The following XPR1 variants were observed in gnomAD, a reference collection of about 807,000 sequenced individuals.
XPR1 encodes xenotropic and polytropic retrovirus receptor 1.
XPR1 carries 28 observed loss-of-function variants against 87.5 expected under a neutral mutation model. That is an observed-to-expected ratio of 0.32 (90% CI 0.24 to 0.44). The LOEUF (loss-of-function observed/expected upper bound fraction) is 0.44. Among genes scored for constraint, XPR1 ranks in the 20% least tolerant of loss-of-function variants. The probability of loss-of-function intolerance (pLI) is 1.00; values close to 1 mark genes in which losing one functional copy is unlikely to be tolerated. For synonymous variants in XPR1, 300 were observed against 306.1 expected, an observed-to-expected ratio of 0.98 and a Z score of 0.21; for missense variants, 559 against 862.3, an observed-to-expected ratio of 0.65 and a Z score of 4.41.
chr1:180,723,691 CTCTG>C (rs1658246937), intron 2 of XPR1, among the ~76,000 whole-genome samples: 1 of 152,192 alleles, frequency 6.6e-6, no homozygotes, highest in Admixed American at 6.5e-5. Flanking sequence ...GGAACCTCCT[CTCTG>C]TCCTTTATCT....
chr1:180,879,914 C>T (rs1462167544), intron 13 of XPR1, among the ~76,000 whole-genome samples, 162 bp from the exon 14 acceptor site: 1 of 152,082 alleles, frequency 6.6e-6, no homozygotes, highest in South Asian at 2.1e-4. Context: ...TACCCCCCCA[C>T]CACCACCTCC....
At chr1:180,774,887 C>A (rs547384831) in intron 2 of XPR1, among the ~76,000 whole-genome samples, 1 of 152,296 alleles carries the variant, frequency 6.6e-6, no homozygotes, top group South Asian at 2.1e-4. Flanking sequence ...AGGATCAAGG[C>A]ACCAACAGAC....
chr1:180,819,692 A>G (rs1333037438), intron 7 of XPR1, among the ~76,000 whole-genome samples: 1 of 152,170 alleles, frequency 6.6e-6, no homozygotes, highest in African/African-American at 2.4e-5. Flanking sequence ...TATTAGAGCA[A>G]ATCTATCACC....
Position 180,824,458 on chromosome 1 carries a change from G to A in XPR1, c.764-295G>A, listed in dbSNP as rs146472593. On this transcript the variant is annotated intron_variant, in intron 7 of 14. Transcript: ENST00000367590. ...TAGCTGGGCGTGGTGGTGCGTGCCT[G>A]TAATCCCAGTTACTCGGGAGACTGA... Among the ~76,000 whole-genome samples the A allele has an allele frequency of 9.0e-4, 137 of 152,236 alleles. 3 individuals are homozygous for A. The East Asian group carries it at 0.025, about 28-fold the overall frequency.
chr1:180,823,937 C>T lies in XPR1; in HGVS notation c.764-816C>T, dbSNP rs149662247. On this transcript the variant is annotated intron_variant, in intron 7 of 14. Transcript: ENST00000367590. ...AGTGCTTAGCACATAGTAAGCATTCCGTAAATATTAACTGTTGTCATTTAT... is the reference window on the plus strand; with the variant it reads ...AGTGCTTAGCACATAGTAAGCATTCTGTAAATATTAACTGTTGTCATTTAT... 2.0e-4 allele frequency among the ~76,000 whole-genome samples: 31 copies of T among 152,290 alleles called. No homozygotes were observed. In the South Asian group the frequency reaches 2.1e-3, roughly 10 times the overall value.
In XPR1 at chr1:180,648,992, A is replaced by G. The variant is rs567757386; in HGVS notation, c.69+16722A>G. Among the ~76,000 whole-genome samples the G allele has an allele frequency of 4.6e-5, 7 of 152,252 alleles. No homozygotes were observed. In the South Asian group the frequency reaches 1.5e-3, roughly 32 times the overall value. ...TAGCATCTTTTTGGGGGACTTATGC[A>G]CTGGGTTCCTGAAAATTACATTGCA... is the stretch of plus-strand genomic sequence containing the variant. On this transcript the variant is annotated intron_variant, in intron 1 of 14. Transcript: ENST00000367590.
intron 2 of XPR1, among the ~76,000 whole-genome samples, chr1:180,761,258 A>C (rs1211411881): frequency 6.6e-6 from 1 of 152,194 alleles, no homozygotes; most frequent in African/African-American, 2.4e-5. Flanking sequence ...ACAAAAGCCA[A>C]AATTGACAAA....
At chr1:180,692,796 T>G (rs1657033534) in intron 2 of XPR1, among the ~76,000 whole-genome samples, 1 of 152,146 alleles carries the variant, frequency 6.6e-6, no homozygotes, top group Non-Finnish European at 1.5e-5. Context: ...GATAATGATA[T>G]AAATAGTAAA....
chr1:180,646,392 C>T (rs957108677), intron 1 of XPR1, among the ~76,000 whole-genome samples: 1 of 151,446 alleles, frequency 6.6e-6, no homozygotes, highest in African/African-American at 2.4e-5. Flanking sequence ...TCTTCATGTT[C>T]ATGTTTTTTT....
chr1:180,850,755 C>T (rs765949758), intron 11 of XPR1, among the ~76,000 whole-genome samples: 2 of 151,904 alleles, frequency 1.3e-5, no homozygotes, highest in African/African-American at 2.4e-5. Context: ...GCCTGGAGTT[C>T]GAGACTAGCT....
chr1:180,672,694 CAG>C (rs1374853887), intron 1 of XPR1, among the ~76,000 whole-genome samples: 9 of 151,938 alleles, frequency 5.9e-5, no homozygotes, highest in Non-Finnish European at 7.4e-5. Context: ...AATTTAAAAA[CAG>C]AATACAAAAA....
At chr1:180,803,286 T>A in intron 3 of XPR1, 102 bp from the exon 4 acceptor site, 1 of 1,104,214 alleles carries the variant, frequency 9.1e-7, no homozygotes, top group Non-Finnish European at 1.3e-6. Flanking sequence ...ACGGTTTTCT[T>A]CTAGAAATTC....
intron 2 of XPR1, among the ~76,000 whole-genome samples, chr1:180,692,335 T>C (rs1465130033): frequency 1.3e-5 from 2 of 152,050 alleles, no homozygotes; most frequent in Non-Finnish European, 2.9e-5. Context: ...AGCCTTGTTG[T>C]GAGAGCCATA....
At chr1:180,701,735 A>G (rs1657337438) in intron 2 of XPR1, among the ~76,000 whole-genome samples, 1 of 140,534 alleles carries the variant, frequency 7.1e-6, no homozygotes, top group Admixed American at 6.9e-5. Flanking sequence ...GCCTCATAAA[A>G]TGAGTTAGGG....
intron 2 of XPR1, among the ~76,000 whole-genome samples, chr1:180,763,897 A>G (rs1373840635): frequency 6.6e-6 from 1 of 152,204 alleles, no homozygotes; most frequent in Non-Finnish European, 1.5e-5. Context: ...AATACTGTGT[A>G]CACAATAACC....
intron 2 of XPR1, among the ~76,000 whole-genome samples, chr1:180,774,520 A>G (rs1005994819): frequency 6.6e-6 from 1 of 150,382 alleles, no homozygotes; most frequent in Admixed American, 6.7e-5. Context: ...CCTCCCTAGT[A>G]GCTGGGACTA....
intron 2 of XPR1, among the ~76,000 whole-genome samples, chr1:180,781,632 C>T (rs1464518168): frequency 2.0e-5 from 3 of 148,496 alleles, no homozygotes; most frequent in Non-Finnish European, 3.0e-5. Flanking sequence ...TTTATTTTCC[C>T]TTCACTCCAA....
chr1:180,767,424 T>TC (rs1434322359), intron 2 of XPR1, among the ~76,000 whole-genome samples: 1 of 152,206 alleles, frequency 6.6e-6, no homozygotes, highest in Non-Finnish European at 1.5e-5. Context: ...ATCTGTTCAG[T>TC]CATTTTGATA....
intron 1 of XPR1, among the ~76,000 whole-genome samples, chr1:180,656,647 T>TATATATA (rs1341722160): frequency 6.9e-4 from 70 of 101,374 alleles, no homozygotes; most frequent in Non-Finnish European, 1.1e-3. Flanking sequence ...AATATATTAT[T>TATATATA]ATATATAATA....
Sources: gnomAD v4.1 joint callset for allele counts (sites outside exome capture counted in the v4.1 genomes callset) on GRCh38, gnomAD v4.1.1 for gene constraint, MANE v1.5 for transcripts, NCBI Gene and HGNC (gene_info 2026-07-23, HGNC 2026-07-21) for gene names.